The following PCNT variants were observed in gnomAD, a reference collection of about 807,000 sequenced individuals.
PCNT encodes the protein kendrin.
PCNT carries 319 observed loss-of-function variants against 380.4 expected under a neutral mutation model. That is an observed-to-expected ratio of 0.84 (90% CI 0.77 to 0.92). PCNT has a LOEUF of 0.92. Ranked by LOEUF, PCNT falls within the 40% of genes least tolerant of loss-of-function variation. The probability of loss-of-function intolerance (pLI) is 0.00; values close to 1 mark genes in which losing one functional copy is unlikely to be tolerated. For missense variants in PCNT, 4,400 were observed against 4,255.3 expected, an observed-to-expected ratio of 1.03 and a Z score of -0.95; for synonymous variants, 1,845 against 1,735.2, an observed-to-expected ratio of 1.06 and a Z score of -1.57.
intron 3 of PCNT, among the ~76,000 whole-genome samples, chr21:46,335,472 G>A (rs188294673): frequency 6.6e-6 from 1 of 152,196 alleles, no homozygotes; most frequent in Non-Finnish European, 1.5e-5. Context: ...GAGGTGGGCG[G>A]ATCACGAGGT....
rs751519169 is a variant in PCNT, at chr21:46,416,183, G to A, written c.6265G>A (p.Val2089Met). The A allele has an allele frequency of 3.7e-6, 6 of 1,614,214 alleles. 1 individual carries two copies. In the South Asian group the frequency reaches 5.5e-5, roughly 15 times the overall value. ...RLLYSMTFQNVDAADTKSLWP... is the reference protein window; with the variant it reads ...RLLYSMTFQNMDAADTKSLWP... ...GCTGTATTCCATGACCTTCCAGAAT[G>A]TGGATGCTGCCGACACCAAATCTCT... Residue 2089 changes from valine to methionine, a missense_variant, in exon 30 of 47, where the codon GTG (valine) becomes ATG (methionine). Coordinates refer to ENST00000359568, the MANE Select transcript of PCNT (RefSeq NM_006031.6).
At chr21:46,324,562 T>TC (rs971653446) in intron 1 of PCNT, among the ~76,000 whole-genome samples, 1 of 80,798 alleles carries the variant, frequency 1.2e-5, no homozygotes, top group African/African-American at 6.0e-5. Flanking sequence ...TGCGCCTGCG[T>TC]CGGGGGGGGT....
chr21:46,414,694 C>T (rs1171134982), intron 29 of PCNT, among the ~76,000 whole-genome samples: 1 of 67,604 alleles, frequency 1.5e-5, no homozygotes, highest in East Asian at 4.8e-4. Flanking sequence ...CCTGGACACA[C>T]AGCTGCCCAC....
chr21:46,438,160 C>T lies in PCNT; in HGVS notation c.9100-4C>T. 1.2e-6 allele frequency: 2 copies of T among 1,611,750 alleles called. No individual in the cohort carries two copies. The highest frequency in any genetic ancestry group is 1.7e-6 in the Non-Finnish European group (2 of 1,178,058). ...TCTTACAAATTTATTTTCTTTTCTC[C>T]AAGAAAAAAATGGCAGCAGAGCTGC... On this transcript the variant is annotated splice_region_variant and splice_polypyrimidine_tract_variant and intron_variant, in intron 40 of 46. Coordinates refer to ENST00000359568, the MANE Select transcript of PCNT (RefSeq NM_006031.6).
Position 46,427,766 on chromosome 21 carries a change from G to C in PCNT, c.7465G>C (p.Glu2489Gln). The C allele has an allele frequency of 6.2e-7, 1 of 1,613,670 alleles. No individual in the cohort carries two copies. The highest frequency in any genetic ancestry group is 8.5e-7 in the Non-Finnish European group (1 of 1,180,024). ...SDLGGHSSLL[E>Q]RLEKIIREQG... ...TCTGGGGGGTCACAGCTCCCTGCTCGAAAGGCTGGAGAAGATCATCCGTGA... is the reference window on the plus strand; with the variant it reads ...TCTGGGGGGTCACAGCTCCCTGCTCCAAAGGCTGGAGAAGATCATCCGTGA... The change falls in exon 34 of 47, where the codon GAA becomes CAA. Residue 2489 changes from glutamate to glutamine, a missense_variant. Coordinates refer to ENST00000359568, the MANE Select transcript of PCNT (RefSeq NM_006031.6).
chr21:46,336,479 T>G (rs1601765866), intron 3 of PCNT, among the ~76,000 whole-genome samples: 1 of 152,290 alleles, frequency 6.6e-6, no homozygotes. Flanking sequence ...ATTCTTAAGT[T>G]GTTGCAGCTC....
intron 14 of PCNT, among the ~76,000 whole-genome samples, chr21:46,365,856 G>C (rs958434816): frequency 6.1e-4 from 62 of 100,884 alleles, no homozygotes; most frequent in African/African-American, 4.9e-3. Flanking sequence ...ACAGGGTTCT[G>C]TTCACTGCCG....
chr21:46,393,757 C>T (rs1381147329), intron 21 of PCNT, among the ~76,000 whole-genome samples: 2 of 152,202 alleles, frequency 1.3e-5, no homozygotes, highest in Admixed American at 1.3e-4. Flanking sequence ...TGCAGGGCTT[C>T]TTCCCAAGGC....
chr21:46,334,277 G>T (rs866381633), intron 2 of PCNT, 120 bp from the exon 3 acceptor site: 5 of 1,346,788 alleles, frequency 3.7e-6, no homozygotes, highest in Non-Finnish European at 5.3e-6. Context: ...ACAGGTGGAA[G>T]TGAGCTCTAC....
intron 3 of PCNT, among the ~76,000 whole-genome samples, chr21:46,340,752 C>G (rs1396189290): frequency 6.6e-6 from 1 of 151,544 alleles, no homozygotes; most frequent in Non-Finnish European, 1.5e-5. Flanking sequence ...TCACTGCAAC[C>G]TTCACCTCCC....
In PCNT at chr21:46,411,191, C is replaced by A; in HGVS notation, c.5118C>A (p.Val1706=). The A allele has an allele frequency of 3.1e-6, 5 of 1,613,264 alleles. No homozygotes were observed. Among genetic ancestry groups the A allele is most frequent in the South Asian group, 2.2e-5 (2 of 90,928 alleles). The change falls in exon 28 of 47, where the codon GTC becomes GTA. Residue 1706 remains valine (V), a splice_region_variant and synonymous_variant. Transcript: ENST00000359568. ...ELEEENTSLK[V]IYTRSSEIEE... The stretch of plus-strand genomic sequence containing the variant: ...TCTGAAATGTCCTCTCTCTTCAGGT[C>A]ATATATACCAGAAGTTCTGAGATTG...
intron 15 of PCNT, among the ~76,000 whole-genome samples, chr21:46,375,144 C>T (rs371071957): frequency 1.3e-5 from 2 of 152,072 alleles, no homozygotes; most frequent in East Asian, 1.9e-4. Flanking sequence ...AAGTATGTAT[C>T]CCATAAGATT....
intron 2 of PCNT, among the ~76,000 whole-genome samples, chr21:46,331,010 G>A (rs2083541516): frequency 6.6e-6 from 1 of 152,060 alleles, no homozygotes. Flanking sequence ...AACAGCATAA[G>A]AAGATAAGTG....
At chr21:46,398,961 A>G (rs1211703267) in intron 24 of PCNT, among the ~76,000 whole-genome samples, 3 of 151,620 alleles carry the variant, frequency 2.0e-5, no homozygotes, top group Non-Finnish European at 4.4e-5. Context: ...CTGGGACTAC[A>G]GGTGCCCGCC....
At chr21:46,390,333 T>A (rs1458004445) in intron 19 of PCNT, among the ~76,000 whole-genome samples, 1 of 152,190 alleles carries the variant, frequency 6.6e-6, no homozygotes, top group Non-Finnish European at 1.5e-5. Context: ...TAAAAATTCT[T>A]TTTTGCTAAG....
chr21:46,378,242 T>C (rs9978397), intron 15 of PCNT, among the ~76,000 whole-genome samples: 46,604 of 151,954 alleles, frequency 0.31, 8,813 homozygotes, highest in African/African-American at 0.54. Context: ...GCTGTTTTTG[T>C]CTATACATAC....
At chr21:46,367,161 C>G (rs1480747367) in intron 15 of PCNT, 22 bp downstream of exon 15, 1 of 1,604,428 alleles carries the variant, frequency 6.2e-7, no homozygotes, top group East Asian at 2.2e-5. Flanking sequence ...GGGCCCTGCC[C>G]CAGCCCAGGG....
intron 28 of PCNT, among the ~76,000 whole-genome samples, 183 bp downstream of exon 28, chr21:46,412,250 G>C (rs1041714782): frequency 2.3e-4 from 35 of 152,206 alleles, no homozygotes; most frequent in Non-Finnish European, 4.3e-4. Context: ...TCAGTACGCA[G>C]TGAAGCTGGG....
rs771902827 is a variant in PCNT at position 46,442,611 on chromosome 21, A to T, written c.9700+38A>T. ...CTGCTGTTGACCGCTGGACTCACAA[A>T]CCTTTCTTTCTACTCTTGTTTTTCA... On this transcript the variant is annotated intron_variant, in intron 44 of 46. Transcript: ENST00000359568. 25 of 1,265,712 alleles carry T rather than the reference A, an allele frequency of 2.0e-5. No individual in the cohort carries two copies. The South Asian group carries it at 3.0e-4, about 15-fold the overall frequency. 78.4% of individuals were successfully genotyped at this position (1,265,712 alleles called of 1,614,324 possible).
Sources: gnomAD v4.1 joint callset for allele counts (sites outside exome capture counted in the v4.1 genomes callset) on GRCh38, gnomAD v4.1.1 for gene constraint, MANE v1.5 for transcripts, NCBI Gene and HGNC (gene_info 2026-07-23, HGNC 2026-07-21) for gene names.